Variants in CD84 observed in about 807,000 individuals in gnomAD.
The protein encoded by CD84 is SLAM family member 5.
A neutral mutation model predicts 33.8 loss-of-function variants in CD84; 22 were observed. The ratio of observed to expected loss-of-function variants is 0.65; its 90% CI spans 0.46 to 0.93. The LOEUF is 0.93. Among genes scored for constraint, CD84 ranks in the 40% least tolerant of loss-of-function variants. The pLI, the probability that CD84 is intolerant of heterozygous loss-of-function variation, is 0.00. For synonymous variants in CD84, 154 were observed against 145.2 expected (o/e 1.06, Z -0.44); for missense variants, 400 against 397.6 (o/e 1.01, Z -0.05).
At chr1:160,568,865 C>T (rs1657499469) in intron 1 of CD84, among the ~76,000 whole-genome samples, 1 of 152,168 alleles carries the variant, frequency 6.6e-6, no homozygotes, top group Non-Finnish European at 1.5e-5. Context: ...AAATGCTCTG[C>T]CCGCCTCAGC....
chr1:160,559,197 G>A lies in CD84; in HGVS notation c.389-5051C>T, dbSNP rs756984244. Among the ~76,000 whole-genome samples the A allele has an allele frequency of 4.6e-5, 7 of 152,068 alleles. No individual in the cohort carries two copies. The South Asian group carries it at 6.2e-4, about 14-fold the overall frequency. ...CGTAATCATCAGATTCTCCAAGGTCGAAATGAAAGTAAAAATGTTAAGGCA... is the reference window on the plus strand; with the variant it reads ...CGTAATCATCAGATTCTCCAAGGTCAAAATGAAAGTAAAAATGTTAAGGCA... On this transcript the variant is annotated intron_variant, in intron 2 of 6. Transcript: ENST00000368054.
chr1:160,567,111 C>A (rs1409080275), intron 1 of CD84, among the ~76,000 whole-genome samples: 1 of 152,130 alleles, frequency 6.6e-6, no homozygotes, highest in East Asian at 1.9e-4. Flanking sequence ...ACTAGTTGAG[C>A]GGTTCTGGTG....
At chr1:160,557,615 AAATGT>A (rs1329613283) in intron 2 of CD84, among the ~76,000 whole-genome samples, 1 of 152,270 alleles carries the variant, frequency 6.6e-6, no homozygotes, top group Non-Finnish European at 1.5e-5. Flanking sequence ...TGCCCAAAAG[AAATGT>A]AATGTGAGTC....
intron 1 of CD84, among the ~76,000 whole-genome samples, chr1:160,578,927 A>G (rs1027932097): frequency 3.3e-5 from 5 of 152,208 alleles, no homozygotes; most frequent in Admixed American, 6.6e-5. Context: ...ATGAGGCTCA[A>G]CAATGATAAC....
intron 5 of CD84, chr1:160,550,502 G>T: frequency 2.3e-6 from 1 of 435,950 alleles, no homozygotes; most frequent in Non-Finnish European, 3.1e-6. Context: ...GCAAGCCGCT[G>T]CTGCTAGACC....
At chr1:160,567,881 G>A (rs934860550) in intron 1 of CD84, among the ~76,000 whole-genome samples, 1 of 152,158 alleles carries the variant, frequency 6.6e-6, no homozygotes, top group Non-Finnish European at 1.5e-5. Flanking sequence ...ATGGGCATGT[G>A]ATCTATGCAG....
At chr1:160,562,630 C>A (rs1295086773) in intron 2 of CD84, among the ~76,000 whole-genome samples, 1 of 152,132 alleles carries the variant, frequency 6.6e-6, no homozygotes, top group African/African-American at 2.4e-5. Context: ...ATAAGAAAAT[C>A]TGGGCAATAC....
At chr1:160,577,722 C>CT (rs759872674) in intron 1 of CD84, among the ~76,000 whole-genome samples, 4 of 152,166 alleles carry the variant, frequency 2.6e-5, no homozygotes, top group Non-Finnish European at 4.4e-5. Context: ...CTGTTAAACA[C>CT]TTACTATATT....
Position 160,549,911 on chromosome 1 carries a change from G to A in CD84, c.921+6C>T. The A allele has an allele frequency of 6.2e-7, 1 of 1,604,736 alleles. No individual in the cohort carries two copies. The highest frequency in any genetic ancestry group is 8.5e-7 in the Non-Finnish European group (1 of 1,171,596). On this transcript the variant is annotated splice_donor_region_variant and intron_variant, in intron 6 of 6. Coordinates refer to ENST00000368054, the MANE Select transcript of CD84 (RefSeq NM_003874.4). ...AAGCAAGGATAAAAAGCCAGAAAGG[G>A]GTTACCTTATCAGCAAACTGCACTT...
Position 160,565,396 on chromosome 1 carries a change from T to C in CD84, c.388+8A>G. On this transcript the variant is annotated splice_region_variant and intron_variant, in intron 2 of 6. Coordinates refer to ENST00000368054, the MANE Select transcript of CD84 (RefSeq NM_003874.4). ...AAAACACAAGCTCTCCGTCTTCCCA[T>C]GACTTACGATAGATTTGCAGGTTGT... 1 of 1,576,730 alleles carries C rather than the reference T, an allele frequency of 6.3e-7. No homozygotes were observed. The highest frequency in any genetic ancestry group is 1.2e-5 in the South Asian group (1 of 85,970).
chr1:160,554,182 G>T (rs780888335), intron 2 of CD84, 36 bp from the exon 3 acceptor site: 1 of 1,565,710 alleles, frequency 6.4e-7, no homozygotes, highest in Non-Finnish European at 8.7e-7. Flanking sequence ...TAGTGAGCTG[G>T]AGCTGGCTTG....
At chr1:160,577,437 T>G (rs1169402599) in intron 1 of CD84, among the ~76,000 whole-genome samples, 4 of 152,180 alleles carry the variant, frequency 2.6e-5, no homozygotes, top group South Asian at 4.1e-4. Context: ...GGACAGTATG[T>G]AAAAAGTACT....
chr1:160,566,415 C>T (rs1010692801), intron 1 of CD84, among the ~76,000 whole-genome samples: 1 of 152,292 alleles, frequency 6.6e-6, no homozygotes, highest in African/African-American at 2.4e-5. Flanking sequence ...CCTAGACTCT[C>T]TTGGAACAAC....
At chr1:160,559,756 CAT>C (rs1656831598) in intron 2 of CD84, among the ~76,000 whole-genome samples, 3 of 152,026 alleles carry the variant, frequency 2.0e-5, no homozygotes, top group African/African-American at 7.3e-5. Context: ...CAAAGACACA[CAT>C]AGGCTCAAAA....
At position 160,565,598 on chromosome 1, in the gene CD84, G is replaced by T. The variant is rs1287697418; in HGVS notation, c.194C>A (p.Pro65Gln). The T allele has an allele frequency of 6.2e-7, 1 of 1,613,740 alleles. No individual in the cohort carries two copies. The highest frequency in any genetic ancestry group is 1.7e-5 in the Admixed American group (1 of 59,954). The change falls in exon 2 of 7, where the codon CCA becomes CAA. Residue 65 changes from proline to glutamine, a missense_variant. Pro to Gln is a moderately conservative substitution (Grantham distance 76). Coordinates refer to ENST00000368054, the MANE Select transcript of CD84 (RefSeq NM_003874.4). ...TSKTSVAYVT[P>Q]GDSETAPVVT... ...TACGGGTGCTGTTTCTGAGTCTCCT[G>T]GTGTTACATAAGCAACAGATGTTTT...
At chr1:160,565,237 C>T (rs887848905) in intron 2 of CD84, among the ~76,000 whole-genome samples, 167 bp downstream of exon 2, 4 of 152,036 alleles carry the variant, frequency 2.6e-5, no homozygotes, top group African/African-American at 7.3e-5. Context: ...AAAGTCAGGA[C>T]TGAAATAAGA....
At chr1:160,562,209 T>C (rs767818632) in intron 2 of CD84, among the ~76,000 whole-genome samples, 2 of 152,134 alleles carry the variant, frequency 1.3e-5, no homozygotes, top group East Asian at 1.9e-4. Context: ...ACATTCTTCA[T>C]AGAATTAGAA....
In CD84 at chr1:160,547,119, GGTGATCT is replaced by G. The variant is rs1457043311; in HGVS notation, c.*1130_*1136del. 1.2e-4 allele frequency: 48 copies of G among 398,832 alleles called. No homozygotes were observed. The highest frequency in any genetic ancestry group is 1.2e-3 in the Middle Eastern group (2 of 1,610). The allele number at this position is 398,832 out of a possible 1,614,324, so 24.7% of individuals were successfully genotyped here. A position where few individuals can be genotyped will look rare whatever the true frequency, so the allele number is the denominator to read the frequency against. On this transcript the variant is annotated 3_prime_UTR_variant, in exon 7 of 7. Coordinates refer to ENST00000368054, the MANE Select transcript of CD84 (RefSeq NM_003874.4). ...GAGTTAATGCCTGTGTAAGCTGGCT[GGTGATCT>G]GTTTGTGGGGCATGCCAGGGTGGCG... is the stretch of plus-strand genomic sequence containing the variant.
At chr1:160,575,189 G>A (rs1557986843) in intron 1 of CD84, among the ~76,000 whole-genome samples, 1 of 152,178 alleles carries the variant, frequency 6.6e-6, no homozygotes, top group East Asian at 1.9e-4. Context: ...AAGTGGGGGT[G>A]GAACATCGCT....
Sources: gnomAD v4.1 joint callset for allele counts (sites outside exome capture counted in the v4.1 genomes callset) on GRCh38, gnomAD v4.1.1 for gene constraint, MANE v1.5 for transcripts, NCBI Gene and HGNC (gene_info 2026-07-23, HGNC 2026-07-21) for gene names.